Variants in PAX7 observed in about 807,000 individuals in gnomAD.
The protein encoded by PAX7 is paired box 7.
A neutral mutation model predicts 50.7 loss-of-function variants in PAX7; 18 were observed. The ratio of observed to expected loss-of-function variants is 0.36; its 90% CI spans 0.25 to 0.53. The LOEUF (loss-of-function observed/expected upper bound fraction) is 0.53. Among genes scored for constraint, PAX7 ranks in the 20% least tolerant of loss-of-function variants. The pLI is 0.93. For missense variants in PAX7, 644 were observed against 702.9 expected (o/e 0.92, Z 0.95); for synonymous variants, 310 against 290.4 (o/e 1.07, Z -0.69).
intron 8 of PAX7, among the ~76,000 whole-genome samples, chr1:18,741,986 G>A (rs1931156737): frequency 6.6e-6 from 1 of 152,138 alleles, no homozygotes; most frequent in Non-Finnish European, 1.5e-5. Context: ...TCCATCATCT[G>A]TAAGATGCGG....
intron 4 of PAX7, among the ~76,000 whole-genome samples, chr1:18,643,116 G>T (rs1255358658): frequency 2.0e-5 from 3 of 152,220 alleles, no homozygotes; most frequent in Non-Finnish European, 2.9e-5. Context: ...CCCAAGTCCA[G>T]CTCAAAAGAG....
Position 18,748,335 on chromosome 1 carries a change from C to T in PAX7, c.*3406C>T. 4.4e-6 allele frequency: 1 copy of T among 228,996 alleles called. No homozygotes were observed. 14.2% of individuals were successfully genotyped at this position (228,996 alleles called of 1,614,324 possible). On this transcript the variant is annotated 3_prime_UTR_variant, in exon 9 of 9. Coordinates refer to ENST00000420770, the MANE Select transcript of PAX7 (RefSeq NM_001135254.2). ...CAACTAAAAAGATGTTCTCTGGGAC[C>T]TCTCTCAGGCTGATGTTCTTCTCAT...
At chr1:18,694,452 T>G (rs983031117) in intron 5 of PAX7, among the ~76,000 whole-genome samples, 5 of 147,486 alleles carry the variant, frequency 3.4e-5, no homozygotes, top group Non-Finnish European at 1.5e-5. Flanking sequence ...AGAGCAAAAC[T>G]CTGTCTCGAA....
chr1:18,717,249 G>C (rs915095435), intron 7 of PAX7, among the ~76,000 whole-genome samples: 121 of 152,296 alleles, frequency 7.9e-4, no homozygotes, highest in African/African-American at 2.8e-3. Context: ...CCCCCGGACT[G>C]CGGAGCCGCC....
intron 4 of PAX7, among the ~76,000 whole-genome samples, chr1:18,669,771 T>A (rs2088717350): frequency 6.6e-6 from 1 of 152,200 alleles, no homozygotes; most frequent in African/African-American, 2.4e-5. Flanking sequence ...CTTCTTTATC[T>A]GCAAATGAAA....
At chr1:18,665,592 C>CT (rs1044058389) in intron 4 of PAX7, among the ~76,000 whole-genome samples, 4 of 151,502 alleles carry the variant, frequency 2.6e-5, no homozygotes, top group African/African-American at 9.7e-5. Flanking sequence ...CCAGGATGGT[C>CT]TCCATCTCTT....
In PAX7 at chr1:18,634,077, G is replaced by A. The variant is rs940559144; in HGVS notation, c.86-226G>A. Among the ~76,000 whole-genome samples, 8 of 152,186 alleles carry A rather than the reference G, an allele frequency of 5.3e-5. No individual in the cohort carries two copies. The highest frequency in any genetic ancestry group is 1.2e-4 in the Non-Finnish European group (8 of 68,030). ...GGACACAGCATCTGGGGAGACTCTT[G>A]CAGCTGTGACTCCTCTATCCATCTC... is the stretch of plus-strand genomic sequence containing the variant. On this transcript the variant is annotated intron_variant, in intron 1 of 8. Coordinates refer to ENST00000420770, the MANE Select transcript of PAX7 (RefSeq NM_001135254.2). The surrounding 1 kb of genome is among the most constrained non-coding windows in gnomAD (Gnocchi z 4.0).
chr1:18,683,250 T>C (rs1363433069), intron 4 of PAX7, among the ~76,000 whole-genome samples: 1 of 152,222 alleles, frequency 6.6e-6, no homozygotes, highest in Non-Finnish European at 1.5e-5. Context: ...ATAGTTTTGC[T>C]CTGTCTCAGC....
chr1:18,729,615 G>T lies in PAX7; in HGVS notation c.1156-6017G>T, dbSNP rs188012526. On this transcript the variant is annotated intron_variant, in intron 7 of 8. Coordinates refer to ENST00000420770, the MANE Select transcript of PAX7 (RefSeq NM_001135254.2). The stretch of plus-strand genomic sequence containing the variant: ...CAGAGATATTTTCAATGGACTCATC[G>T]TCCTGGATTCAGTTGTGTGTCCTGC... 1.4e-3 allele frequency among the ~76,000 whole-genome samples: 216 copies of T among 152,314 alleles called. 2 individuals are homozygous for T. Among genetic ancestry groups the T allele is most frequent in the African/African-American group, 4.7e-3 (195 of 41,564 alleles).
In PAX7 at chr1:18,701,784, TTCTCCCAGTGGCTTGAAGTATAAGATTC is replaced by T. The variant is rs1419010812; in HGVS notation, c.952+967_952+994del. 8.5e-4 allele frequency among the ~76,000 whole-genome samples: 130 copies of T among 152,258 alleles called. 1 individual carries two copies. The East Asian group carries it at 0.019, about 22-fold the overall frequency. On this transcript the variant is annotated intron_variant, in intron 6 of 8. Coordinates refer to ENST00000420770, the MANE Select transcript of PAX7 (RefSeq NM_001135254.2). ...GGAAGGAGGCCTCACTTGAGCCCAG[TTCTCCCAGTGGCTTGAAGTATAAGATTC>T]CCTTCTAGCGCTGGAAAGGGATAGG...
Position 18,636,468 on chromosome 1 carries a change from C to A in PAX7, c.586+97C>A. Reference sequence around the variant, plus strand: ...CGCTCCCGCCGCCGGAGCAGGCGACCAGAACTCCAGCGGAGAAACTCTCAT... The same window carrying A: ...CGCTCCCGCCGCCGGAGCAGGCGACAAGAACTCCAGCGGAGAAACTCTCAT... On this transcript the variant is annotated intron_variant, in intron 4 of 8. Transcript: ENST00000420770. The surrounding 1 kb of genome is among the most constrained non-coding windows in gnomAD (Gnocchi z 5.1). 7.1e-7 allele frequency: 1 copy of A among 1,414,608 alleles called. No individual in the cohort carries two copies. The highest frequency in any genetic ancestry group is 1.3e-5 in the South Asian group (1 of 75,110). The allele number at this position is 1,414,608 out of a possible 1,614,324, so 87.6% of individuals were successfully genotyped here.
At chr1:18,719,180 T>C (rs200140132) in intron 7 of PAX7, among the ~76,000 whole-genome samples, 1 of 152,296 alleles carries the variant, frequency 6.6e-6, no homozygotes, top group East Asian at 1.9e-4. Flanking sequence ...TTGCAAGAGG[T>C]TGATTTGCAG....
intron 4 of PAX7, among the ~76,000 whole-genome samples, chr1:18,666,204 C>T (rs1000983467): frequency 2.0e-5 from 3 of 152,192 alleles, no homozygotes; most frequent in Non-Finnish European, 4.4e-5. Flanking sequence ...CCTCCTTTCC[C>T]CAGGCTGTGC....
intron 8 of PAX7, among the ~76,000 whole-genome samples, chr1:18,739,119 G>C (rs969914495): frequency 1.5e-4 from 23 of 152,200 alleles, no homozygotes; most frequent in African/African-American, 5.3e-4. Flanking sequence ...TGGGCAAAAT[G>C]CATGCTCCTC....
intron 8 of PAX7, among the ~76,000 whole-genome samples, chr1:18,736,942 C>G (rs1049236262): frequency 6.6e-6 from 1 of 152,274 alleles, no homozygotes; most frequent in African/African-American, 2.4e-5. Context: ...CCTGCCCCTT[C>G]TGCCGCAGGG....
Position 18,702,625 on chromosome 1 carries a change from G to C in PAX7, c.953-469G>C, listed in dbSNP as rs566142850. ...CATCACTCACTAGCCTGGTCATCTT[G>C]TGTGAGTGCCCCAAGCCCACCAAGC... On this transcript the variant is annotated intron_variant, in intron 6 of 8. Transcript: ENST00000420770. Among the ~76,000 whole-genome samples the C allele has an allele frequency of 1.6e-4, 24 of 152,290 alleles. 1 individual carries two copies. The South Asian group carries it at 3.9e-3, about 25-fold the overall frequency.
chr1:18,641,710 G>C, intron 4 of PAX7, among the ~76,000 whole-genome samples: 1 of 152,338 alleles, frequency 6.6e-6, no homozygotes, highest in East Asian at 1.9e-4. Context: ...ACGAGGCTGG[G>C]GGAAGACTTC....
chr1:18,634,572 C>T lies in PAX7; in HGVS notation c.321+34C>T, dbSNP rs766729475. On this transcript the variant is annotated intron_variant, in intron 2 of 8. Coordinates refer to ENST00000420770, the MANE Select transcript of PAX7 (RefSeq NM_001135254.2). The surrounding 1 kb of genome is among the most constrained non-coding windows in gnomAD (Gnocchi z 4.0). ...CTTTGCCACAGAGGCTGGCAGCTGG[C>T]TTCCTATAGTCGGGGGCTCCTGGTT... The T allele has an allele frequency of 6.3e-7, 1 of 1,587,346 alleles. No homozygotes were observed. Among genetic ancestry groups the T allele is most frequent in the South Asian group, 1.1e-5 (1 of 90,174 alleles).
rs557783609 is a variant in PAX7, at chr1:18,716,211, G to A, written c.1155+12915G>A. ...AGCTTTGGAGAACATCAGAGACCTG[G>A]GTCGGGTCCCCCAGGACATTGTTGG... On this transcript the variant is annotated intron_variant, in intron 7 of 8. Coordinates refer to ENST00000420770, the MANE Select transcript of PAX7 (RefSeq NM_001135254.2). Among the ~76,000 whole-genome samples the A allele has an allele frequency of 3.3e-5, 5 of 152,348 alleles. No individual in the cohort carries two copies. The South Asian group carries it at 6.2e-4, about 19-fold the overall frequency.
Sources: gnomAD v4.1 joint callset for allele counts (sites outside exome capture counted in the v4.1 genomes callset) on GRCh38, gnomAD v4.1.1 for gene constraint, Gnocchi (gnomAD v3.1) non-coding constraint, MANE v1.5 for transcripts, NCBI Gene and HGNC (gene_info 2026-07-23, HGNC 2026-07-21) for gene names.